BLNK: variants seen among roughly 807,000 people sequenced by gnomAD.
The protein encoded by BLNK is B-cell linker protein.
Under a neutral mutation model 73.5 loss-of-function variants are expected in BLNK, and 29 were observed. The ratio of observed to expected loss-of-function variants is 0.39; its 90% CI spans 0.29 to 0.54. The LOEUF (loss-of-function observed/expected upper bound fraction) is 0.54. Among genes scored for constraint, BLNK ranks in the 20% least tolerant of loss-of-function variants. The pLI is 0.61. For synonymous variants in BLNK, 176 were observed against 200.8 expected (o/e 0.88, Z 1.04); for missense variants, 460 against 562.8 (o/e 0.82, Z 1.85).
At chr10:96,247,100 T>TA (rs782163601) in intron 1 of BLNK, 51 bp from the exon 2 acceptor site, 2 of 1,413,742 alleles carry the variant, frequency 1.4e-6, no homozygotes, top group Admixed American at 2.0e-5. Flanking sequence ...TCTGACTTTT[T>TA]AAAAAAAGTC....
At chr10:96,232,658 G>T (rs1411777228) in intron 3 of BLNK, among the ~76,000 whole-genome samples, 2 of 152,192 alleles carry the variant, frequency 1.3e-5, no homozygotes, top group South Asian at 2.1e-4. Flanking sequence ...GAACAGAAAA[G>T]AATTCTTACA....
chr10:96,204,837 A>ACC (rs2083753358), intron 11 of BLNK: 1 of 518,648 alleles, frequency 1.9e-6, no homozygotes, highest in Admixed American at 2.8e-5. Context: ...GGTACATCCT[A>ACC]CCACCTCTGC....
chr10:96,219,486 A>G (rs2084145394), intron 6 of BLNK, among the ~76,000 whole-genome samples: 1 of 152,206 alleles, frequency 6.6e-6, no homozygotes, highest in Non-Finnish European at 1.5e-5. Context: ...TCAATATCTT[A>G]TGTCTGAACA....
intron 6 of BLNK, 24 bp downstream of exon 6, chr10:96,223,802 G>A (rs1554901745): frequency 6.2e-7 from 1 of 1,612,890 alleles, no homozygotes; most frequent in African/African-American, 1.3e-5. Flanking sequence ...GTCCTGGGAA[G>A]CCTTTGGCAC....
At chr10:96,250,092 A>G (rs1039204619) in intron 1 of BLNK, among the ~76,000 whole-genome samples, 1 of 152,108 alleles carries the variant, frequency 6.6e-6, no homozygotes, top group Non-Finnish European at 1.5e-5. Flanking sequence ...ATGAGACCAT[A>G]TTTTATACTC....
Position 96,223,806 on chromosome 10 carries a change from T to C in BLNK, c.525+20A>G. 6.2e-7 allele frequency: 1 copy of C among 1,613,180 alleles called. No homozygotes were observed. On this transcript the variant is annotated intron_variant, in intron 6 of 16. Transcript: ENST00000224337. Reference sequence around the variant, plus strand: ...CCCCCCTCTGTGTCCTGGGAAGCCTTTGGCACAGATTTACTTTACCTCATC... The same window carrying C: ...CCCCCCTCTGTGTCCTGGGAAGCCTCTGGCACAGATTTACTTTACCTCATC...
At chr10:96,207,756 C>A in intron 10 of BLNK, 116 bp downstream of exon 10, 5 of 1,256,594 alleles carry the variant, frequency 4.0e-6, no homozygotes, top group Non-Finnish European at 5.8e-6. Context: ...GCAGCAACTT[C>A]AGTTGCTAAG....
rs587649907 is a variant in BLNK, at chr10:96,220,306, C to T, written c.525+3520G>A. On this transcript the variant is annotated intron_variant, in intron 6 of 16. Transcript: ENST00000224337. ...CATTAATCTTGTCAGTGCGAGACGA[C>T]GAACCCCAGGTATTTACCCCAGACA... 2.1e-3 allele frequency among the ~76,000 whole-genome samples: 315 copies of T among 152,220 alleles called. 1 individual carries two copies. The highest frequency in any genetic ancestry group is 3.5e-3 in the Admixed American group (53 of 15,288).
At position 96,271,543 on chromosome 10, in the gene BLNK, G is replaced by C; in HGVS notation, c.-145C>G. 1 of 798,896 alleles carries C rather than the reference G, an allele frequency of 1.3e-6. No homozygotes were observed. Among genetic ancestry groups the C allele is most frequent in the Non-Finnish European group, 2.2e-6 (1 of 457,846 alleles). The allele number at this position is 798,896 out of a possible 1,614,324, so 49.5% of individuals were successfully genotyped here. A position where few individuals can be genotyped will look rare whatever the true frequency, so the allele number is the denominator to read the frequency against. On this transcript the variant is annotated 5_prime_UTR_variant, in exon 1 of 17. Transcript: ENST00000224337. Reference sequence around the variant, plus strand: ...TGATTTCTGAGAGTGCAGGCTGCTGGCAAACACCCCTGCTCTAGGGAGAAG... The same window carrying C: ...TGATTTCTGAGAGTGCAGGCTGCTGCCAAACACCCCTGCTCTAGGGAGAAG...
At chr10:96,256,137 G>A (rs1554911074) in intron 1 of BLNK, among the ~76,000 whole-genome samples, 1 of 152,098 alleles carries the variant, frequency 6.6e-6, no homozygotes, top group Non-Finnish European at 1.5e-5. Context: ...TTCAAGTACT[G>A]CAAGAACCCC....
At chr10:96,207,145 G>A in intron 10 of BLNK, 92 bp from the exon 11 acceptor site, 1 of 1,269,382 alleles carries the variant, frequency 7.9e-7, no homozygotes, top group Non-Finnish European at 1.1e-6. Context: ...TATTTTGGCA[G>A]CACTTTTCTT....
chr10:96,230,810 T>A lies in BLNK; in HGVS notation c.188A>T (p.Gln63Leu). The change falls in exon 4 of 17, where the codon CAG becomes CTG. Residue 63 changes from glutamine (Q) to leucine (L), a missense_variant. Around this residue, in one of 3 missense-constraint regions of BLNK, gnomAD observed 139 missense variants for 187.3 expected, o/e 0.74. Transcript: ENST00000224337. ...ASESPADEEE[Q>L]WSDDFDSDYE... Reference sequence around the variant, plus strand: ...AATACTTACAAAGTCATCGGACCACTGCTCCTCTTCGTCAGCAGGGCTCTC... The same window carrying A: ...AATACTTACAAAGTCATCGGACCACAGCTCCTCTTCGTCAGCAGGGCTCTC... 1 of 1,611,420 alleles carries A rather than the reference T, an allele frequency of 6.2e-7. No homozygotes were observed. Among genetic ancestry groups the A allele is most frequent in the Non-Finnish European group, 8.5e-7 (1 of 1,179,014 alleles).
chr10:96,260,360 A>G (rs1259598055), intron 1 of BLNK, among the ~76,000 whole-genome samples: 1 of 152,176 alleles, frequency 6.6e-6, no homozygotes, highest in Non-Finnish European at 1.5e-5. Context: ...TACCAGCATA[A>G]AAATGCAAAA....
At chr10:96,193,780 C>T (rs1382874615) in intron 16 of BLNK, among the ~76,000 whole-genome samples, 1 of 152,168 alleles carries the variant, frequency 6.6e-6, no homozygotes, top group Non-Finnish European at 1.5e-5. Context: ...GCTGCATAAA[C>T]AGTTAAATAG....
At chr10:96,247,744 T>C (rs889286374) in intron 1 of BLNK, among the ~76,000 whole-genome samples, 2 of 152,156 alleles carry the variant, frequency 1.3e-5, no homozygotes, top group Non-Finnish European at 2.9e-5. Context: ...ATCAGACTGG[T>C]CCCAGGCCAA....
At chr10:96,267,879 C>G (rs997772452) in intron 1 of BLNK, among the ~76,000 whole-genome samples, 3 of 152,158 alleles carry the variant, frequency 2.0e-5, no homozygotes, top group Non-Finnish European at 4.4e-5. Context: ...ATATTAATAG[C>G]TACTATTTTG....
intron 1 of BLNK, among the ~76,000 whole-genome samples, chr10:96,254,869 A>G (rs1554910609): frequency 6.6e-6 from 1 of 152,198 alleles, no homozygotes. Context: ...CAGTCTTTCT[A>G]CATCTCCTTC....
intron 3 of BLNK, among the ~76,000 whole-genome samples, chr10:96,235,007 C>T (rs1842645601): frequency 6.6e-6 from 1 of 152,196 alleles, no homozygotes; most frequent in Admixed American, 6.5e-5. Flanking sequence ...GTCATAATCC[C>T]ATGCCACACA....
intron 3 of BLNK, among the ~76,000 whole-genome samples, chr10:96,241,819 C>T (rs1191193672): frequency 6.6e-6 from 1 of 151,726 alleles, no homozygotes; most frequent in Non-Finnish European, 1.5e-5. Flanking sequence ...CAGCCTTGAC[C>T]TCAGTGATCC....
Sources: gnomAD v4.1 joint callset for allele counts (sites outside exome capture counted in the v4.1 genomes callset) on GRCh38, gnomAD v4.1.1 for gene constraint, gnomAD v4.1.1 regional missense constraint, MANE v1.5 for transcripts, NCBI Gene and HGNC (gene_info 2026-07-23, HGNC 2026-07-21) for gene names.